Variants in ST7 observed in about 807,000 individuals in gnomAD.
The protein encoded by ST7 is suppressor of tumorigenicity 7 protein.
In ST7, 28 loss-of-function variants were observed where a neutral mutation model predicts 78.7. The observed-to-expected ratio is 0.36, with a 90% confidence interval of 0.26 to 0.49. ST7 has a LOEUF of 0.49. Ranked by LOEUF, ST7 falls within the 20% of genes least tolerant of loss-of-function variation. The pLI is 0.99. For synonymous variants in ST7, 247 were observed against 249.6 expected (o/e 0.99, Z 0.10); for missense variants, 418 against 696.0 (o/e 0.60, Z 4.49).
chr7:117,119,011 A>G (rs1297849773), intron 2 of ST7, among the ~76,000 whole-genome samples: 5 of 152,196 alleles, frequency 3.3e-5, no homozygotes, highest in African/African-American at 1.2e-4. Context: ...GCTGGGTGCT[A>G]TCCATGTGGG....
At chr7:116,960,556 A>G (rs1435891620) in intron 1 of ST7, among the ~76,000 whole-genome samples, 1 of 152,168 alleles carries the variant, frequency 6.6e-6, no homozygotes, top group African/African-American at 2.4e-5. Flanking sequence ...TTGCCTGCCA[A>G]TATTATTCTG....
chr7:117,160,653 G>GTGTATATA (rs150222080), intron 9 of ST7, among the ~76,000 whole-genome samples: 68 of 147,682 alleles, frequency 4.6e-4, no homozygotes, highest in East Asian at 4.0e-3. Flanking sequence ...GTGTGTGTGT[G>GTGTATATA]TATATATATA....
chr7:116,992,919 G>C (rs1794491022), intron 1 of ST7, among the ~76,000 whole-genome samples: 2 of 152,196 alleles, frequency 1.3e-5, no homozygotes, highest in Admixed American at 1.3e-4. Flanking sequence ...CAGGGGCAAA[G>C]TGCCGCCAGT....
intron 12 of ST7, among the ~76,000 whole-genome samples, chr7:117,192,397 T>G (rs1357964038): frequency 6.6e-6 from 1 of 152,212 alleles, no homozygotes; most frequent in East Asian, 1.9e-4. Flanking sequence ...CATTGGACAT[T>G]GGGCTTAGCA....
chr7:117,018,640 G>C (rs1434321895), intron 1 of ST7, among the ~76,000 whole-genome samples: 1 of 152,172 alleles, frequency 6.6e-6, no homozygotes, highest in Non-Finnish European at 1.5e-5. Context: ...TCCTGAGTTT[G>C]AAGCCCAGTA....
At chr7:116,979,752 A>G (rs1793863146) in intron 1 of ST7, among the ~76,000 whole-genome samples, 1 of 151,972 alleles carries the variant, frequency 6.6e-6, no homozygotes, top group South Asian at 2.1e-4. Context: ...CAAATTCTTT[A>G]ATGTCTTTCT....
chr7:117,010,984 G>A (rs1041732875), intron 1 of ST7, among the ~76,000 whole-genome samples: 2 of 152,156 alleles, frequency 1.3e-5, no homozygotes, highest in African/African-American at 4.8e-5. Flanking sequence ...CACACTCTGT[G>A]TCCAGCTGTC....
At chr7:116,968,289 CTCCCTCCTTCCTTCCTTCCTTCCTTCCT>C (rs1233206351) in intron 1 of ST7, 2 of 3,256 alleles carry the variant, frequency 6.1e-4, no homozygotes, top group Non-Finnish European at 2.2e-3. Flanking sequence ...CCCTCCCTCC[CTCCCTCCTTCCTTCCTTCCTTCCTTCCT>C]TCCTTCCTTC....
intron 1 of ST7, among the ~76,000 whole-genome samples, chr7:117,041,966 G>T (rs78602984): frequency 6.6e-6 from 1 of 152,200 alleles, no homozygotes; most frequent in Admixed American, 6.5e-5. Flanking sequence ...AGAGTAATGC[G>T]ATATGAGAAG....
intron 1 of ST7, among the ~76,000 whole-genome samples, chr7:116,963,631 T>C (rs995460374): frequency 6.6e-5 from 10 of 151,084 alleles, no homozygotes; most frequent in African/African-American, 2.2e-4. Flanking sequence ...TTCTTTTTTT[T>C]CTTTTTTTTT....
At chr7:117,064,405 T>G (rs976724371) in intron 1 of ST7, among the ~76,000 whole-genome samples, 1 of 152,200 alleles carries the variant, frequency 6.6e-6, no homozygotes, top group Non-Finnish European at 1.5e-5. Context: ...AAGATTTTGC[T>G]TTTTTCACAA....
At chr7:117,071,114 G>T (rs1253696570) in intron 1 of ST7, among the ~76,000 whole-genome samples, 5 of 152,036 alleles carry the variant, frequency 3.3e-5, no homozygotes, top group Non-Finnish European at 7.4e-5. Context: ...AGCTACTCGG[G>T]AGGCTGAGAC....
At chr7:117,059,464 T>G (rs1798237120) in intron 1 of ST7, among the ~76,000 whole-genome samples, 1 of 152,132 alleles carries the variant, frequency 6.6e-6, no homozygotes, top group African/African-American at 2.4e-5. Context: ...ACAGAAATAA[T>G]GGCAAAGTTT....
At chr7:117,115,045 T>A (rs1421383997) in intron 2 of ST7, among the ~76,000 whole-genome samples, 1 of 152,184 alleles carries the variant, frequency 6.6e-6, no homozygotes, top group Admixed American at 6.5e-5. Context: ...CAAATGGATC[T>A]TTGTTTTAAA....
At chr7:117,153,588 G>T (rs759675338) in intron 9 of ST7, among the ~76,000 whole-genome samples, 4 of 152,030 alleles carry the variant, frequency 2.6e-5, no homozygotes, top group Non-Finnish European at 4.4e-5. Flanking sequence ...GGGAGGAAAT[G>T]GTCAACAGTA....
intron 10 of ST7, among the ~76,000 whole-genome samples, chr7:117,185,025 G>A (rs1809124891): frequency 6.6e-6 from 1 of 152,176 alleles, no homozygotes; most frequent in African/African-American, 2.4e-5. Context: ...GAATGAAAGA[G>A]GAGGTGCTCA....
At chr7:117,148,608 T>A (rs1303406969) in intron 9 of ST7, among the ~76,000 whole-genome samples, 3 of 152,210 alleles carry the variant, frequency 2.0e-5, no homozygotes, top group Non-Finnish European at 4.4e-5. Flanking sequence ...TTCAACATTT[T>A]AAATTTCTGT....
chr7:117,137,736 A>C (rs1316017385), intron 8 of ST7, among the ~76,000 whole-genome samples: 2 of 152,194 alleles, frequency 1.3e-5, no homozygotes, highest in Non-Finnish European at 2.9e-5. Flanking sequence ...GATTAAGCAC[A>C]TGCATGTTCT....
intron 1 of ST7, among the ~76,000 whole-genome samples, chr7:117,058,025 T>C (rs1798153537): frequency 1.3e-5 from 2 of 152,204 alleles, no homozygotes; most frequent in Admixed American, 6.5e-5. Flanking sequence ...GATTTAGATA[T>C]GCTATCATTA....
Sources: gnomAD v4.1 joint callset for allele counts (sites outside exome capture counted in the v4.1 genomes callset) on GRCh38, gnomAD v4.1.1 for gene constraint, MANE v1.5 for transcripts, NCBI Gene and HGNC (gene_info 2026-07-23, HGNC 2026-07-21) for gene names.